Variants in COL5A1 observed in about 807,000 individuals in gnomAD.
The protein encoded by COL5A1 is collagen alpha-1(V) chain.
A neutral mutation model predicts 263.7 loss-of-function variants in COL5A1; 16 were observed. The observed-to-expected ratio is 0.06, with a 90% confidence interval of 0.04 to 0.09. The LOEUF (loss-of-function observed/expected upper bound fraction) is 0.09. Ranked by LOEUF, COL5A1 falls within the 10% of genes least tolerant of loss-of-function variation. COL5A1 has a pLI of 1.00. For missense variants in COL5A1, 2,036 were observed against 2,540.5 expected, an observed-to-expected ratio of 0.80 and a Z score of 4.27; for synonymous variants, 1,012 against 1,004.5, an observed-to-expected ratio of 1.01 and a Z score of -0.14.
chr9:134,768,126 C>T (rs1417222319), intron 24 of COL5A1, among the ~76,000 whole-genome samples: 2 of 152,188 alleles, frequency 1.3e-5, no homozygotes, highest in African/African-American at 2.4e-5. Context: ...GATGCCCCCC[C>T]GGGCCCCAGT....
At chr9:134,838,735 C>G (rs1260960213) in intron 65 of COL5A1, among the ~76,000 whole-genome samples, 1 of 152,216 alleles carries the variant, frequency 6.6e-6, no homozygotes, top group Non-Finnish European at 1.5e-5. Flanking sequence ...CAGGGCTGTT[C>G]TACTTCTGGA....
intron 1 of COL5A1, chr9:134,653,252 G>T (rs1831757952): frequency 6.5e-6 from 1 of 153,482 alleles, no homozygotes; most frequent in African/African-American, 2.4e-5. Context: ...GACCCTGGGG[G>T]TGGGGGTGAG....
intron 4 of COL5A1, among the ~76,000 whole-genome samples, chr9:134,707,747 G>A (rs909792365): frequency 6.6e-6 from 1 of 152,202 alleles, no homozygotes; most frequent in Admixed American, 6.5e-5. Context: ...GCTTGCTGAC[G>A]GCTGCCTGGG....
intron 11 of COL5A1, among the ~76,000 whole-genome samples, chr9:134,744,707 G>A (rs545465915): frequency 2.5e-4 from 36 of 144,556 alleles, no homozygotes; most frequent in African/African-American, 9.6e-4. Flanking sequence ...ACCCATACAT[G>A]CTCTCACACA....
At chr9:134,721,230 C>T (rs943801979) in intron 4 of COL5A1, among the ~76,000 whole-genome samples, 17 of 147,464 alleles carry the variant, frequency 1.2e-4, no homozygotes, top group Non-Finnish European at 1.5e-5. Context: ...AGAGCCCCCT[C>T]AACTGTCCCC....
At chr9:134,669,883 G>A (rs1832489367) in intron 1 of COL5A1, among the ~76,000 whole-genome samples, 2 of 152,316 alleles carry the variant, frequency 1.3e-5, no homozygotes, top group East Asian at 1.9e-4. Flanking sequence ...CATGTTCCTG[G>A]ATATTGGCTT....
At chr9:134,788,670 T>C (rs1205206872) in intron 31 of COL5A1, among the ~76,000 whole-genome samples, 1 of 149,196 alleles carries the variant, frequency 6.7e-6, no homozygotes, top group Non-Finnish European at 1.5e-5. Context: ...GATAGACAGA[T>C]AGATGGATAG....
intron 48 of COL5A1, among the ~76,000 whole-genome samples, 182 bp downstream of exon 48, chr9:134,812,894 T>C (rs545580656): frequency 6.9e-6 from 1 of 143,886 alleles, no homozygotes; most frequent in Admixed American, 6.9e-5. Flanking sequence ...TCTGTGGGCA[T>C]GGCTGGTTTA....
At chr9:134,727,478 G>C in intron 5 of COL5A1, 81 bp downstream of exon 5, 5 of 1,508,014 alleles carry the variant, frequency 3.3e-6, no homozygotes, top group Non-Finnish European at 4.6e-6. Context: ...TAAGCCATGG[G>C]ACCCTTATTT....
intron 1 of COL5A1, among the ~76,000 whole-genome samples, chr9:134,669,460 A>T (rs1331784983): frequency 6.6e-6 from 1 of 151,766 alleles, no homozygotes; most frequent in Non-Finnish European, 1.5e-5. Flanking sequence ...CTCCTCTACC[A>T]TAGCGATTGG....
chr9:134,730,982 C>T (rs957905431), intron 7 of COL5A1, among the ~76,000 whole-genome samples: 2 of 152,242 alleles, frequency 1.3e-5, no homozygotes, highest in African/African-American at 4.8e-5. Context: ...TAGTCTGCGT[C>T]TCTGGACCTC....
At chr9:134,814,166 G>A (rs1001469474) in intron 49 of COL5A1, 130 bp downstream of exon 49, 1 of 913,150 alleles carries the variant, frequency 1.1e-6, no homozygotes, top group Non-Finnish European at 1.7e-6. Context: ...CCCCTCTTGT[G>A]CCCATTTCAT....
intron 57 of COL5A1, 44 bp from the exon 58 acceptor site, chr9:134,820,072 C>A: frequency 6.8e-7 from 1 of 1,465,300 alleles, no homozygotes; most frequent in Non-Finnish European, 9.6e-7. Flanking sequence ...GAGCATGAGG[C>A]GTGGCTCCCT....
chr9:134,789,310 C>T lies in COL5A1; in HGVS notation c.2700+102C>T, dbSNP rs1432693721. ...GGCCTGTTTATTTCTCACTCTCTTG[C>T]TTCTGAAACTGCTCTCCTGAATGGC... On this transcript the variant is annotated intron_variant, in intron 32 of 65. Coordinates refer to ENST00000371817, the MANE Select transcript of COL5A1 (RefSeq NM_000093.5). This position sits in a 1 kb window ranked among gnomAD's most constrained non-coding sequence, Gnocchi z 4.8. 8 of 932,320 alleles carry T rather than the reference C, an allele frequency of 8.6e-6. No homozygotes were observed. Among genetic ancestry groups the T allele is most frequent in the Non-Finnish European group, 1.4e-5 (8 of 586,740 alleles). 57.8% of individuals were successfully genotyped at this position (932,320 alleles called of 1,614,324 possible).
intron 4 of COL5A1, among the ~76,000 whole-genome samples, chr9:134,718,547 G>T (rs987969729): frequency 6.6e-6 from 1 of 152,236 alleles, no homozygotes; most frequent in African/African-American, 2.4e-5. Context: ...AAGCCAAGAC[G>T]TGGAACAGGA....
At chr9:134,737,488 G>A (rs1016125783) in intron 9 of COL5A1, among the ~76,000 whole-genome samples, 2 of 152,186 alleles carry the variant, frequency 1.3e-5, no homozygotes, top group African/African-American at 4.8e-5. Flanking sequence ...TGGCTGCCTC[G>A]GGGTCATTCT....
rs1444458139 is a variant in COL5A1 at position 134,696,735 on chromosome 9, C to T, written c.278-3174C>T. 1.3e-5 allele frequency among the ~76,000 whole-genome samples: 2 copies of T among 152,160 alleles called. No individual in the cohort carries two copies. The highest frequency in any genetic ancestry group is 2.9e-5 in the Non-Finnish European group (2 of 68,038). On this transcript the variant is annotated intron_variant, in intron 2 of 65. Transcript: ENST00000371817. This position sits in a 1 kb window ranked among gnomAD's most constrained non-coding sequence, Gnocchi z 4.3. ...GCATTTATTGTACTCCTACTGCATA[C>T]CTAAAATGCTCTAGTGCCTTTGGAC...
intron 9 of COL5A1, 60 bp downstream of exon 9, chr9:134,732,187 G>C (rs1032499578): frequency 6.3e-7 from 1 of 1,581,242 alleles, no homozygotes; most frequent in Non-Finnish European, 8.7e-7. Context: ...GGGTCACAGC[G>C]GGGTGTGTAG....
chr9:134,814,201 G>C (rs1438867531), intron 49 of COL5A1, among the ~76,000 whole-genome samples, 165 bp downstream of exon 49: 2 of 152,224 alleles, frequency 1.3e-5, no homozygotes, highest in African/African-American at 2.4e-5. Context: ...CAAGGTGTGT[G>C]ATGTGGGAGT....
Sources: allele counts gnomAD v4.1 joint callset (sites outside exome capture counted in the v4.1 genomes callset), GRCh38; gene constraint gnomAD v4.1.1; non-coding constraint Gnocchi (gnomAD v3.1); transcripts MANE v1.5; gene names NCBI Gene and HGNC (gene_info 2026-07-23, HGNC 2026-07-21).